Variants in HMCN1 observed in about 807,000 individuals in gnomAD.
HMCN1 encodes hemicentin 1, also known as hemicentin-1.
A neutral mutation model predicts 625.9 loss-of-function variants in HMCN1; 321 were observed. The observed-to-expected ratio is 0.51, with a 90% CI of 0.47 to 0.56. The LOEUF is 0.56. HMCN1 is among the 20% of genes least tolerant of loss of function. The pLI, the probability that HMCN1 is intolerant of heterozygous loss-of-function variation, is 0.00. For missense variants in HMCN1, 6,588 were observed against 6,887.3 expected (o/e 0.96, Z 1.54); for synonymous variants, 2,425 against 2,417.6 (o/e 1.00, Z -0.09).
intron 30 of HMCN1, among the ~76,000 whole-genome samples, chr1:186,014,147 A>T (rs1434091989): frequency 6.6e-6 from 1 of 152,120 alleles, no homozygotes; most frequent in Non-Finnish European, 1.5e-5. Context: ...TACGTTTGGT[A>T]GCATGTGATG....
At chr1:185,776,331 C>T (rs994026214) in intron 1 of HMCN1, among the ~76,000 whole-genome samples, 2 of 151,966 alleles carry the variant, frequency 1.3e-5, no homozygotes, top group African/African-American at 4.8e-5. Context: ...TATCTTCACT[C>T]CTTGCGTGGA....
At chr1:186,167,417 C>G (rs997326609) in intron 100 of HMCN1, among the ~76,000 whole-genome samples, 7 of 152,328 alleles carry the variant, frequency 4.6e-5, no homozygotes, top group South Asian at 4.1e-4. Flanking sequence ...TCCACACACA[C>G]AGCCTTCCTC....
chr1:186,099,355 A>AT (rs1445985091), intron 68 of HMCN1, among the ~76,000 whole-genome samples: 5 of 152,080 alleles, frequency 3.3e-5, no homozygotes, highest in Non-Finnish European at 5.9e-5. Context: ...TTGGGTAGCA[A>AT]ATTCCTGTAC....
rs538370727 is a variant in HMCN1, at chr1:185,794,648, C to T, written c.269-51378C>T. ...TGCCTGCTTTATATTCTAGCTGTGCCGGCAGCTGATTAGGTGGTACCCACC... is the reference window on the plus strand; with the variant it reads ...TGCCTGCTTTATATTCTAGCTGTGCTGGCAGCTGATTAGGTGGTACCCACC... On this transcript the variant is annotated intron_variant, in intron 1 of 106. Transcript: ENST00000271588. Among the ~76,000 whole-genome samples the T allele has an allele frequency of 1.1e-4, 15 of 139,526 alleles. No homozygotes were observed. The South Asian group carries it at 1.4e-3, about 13-fold the overall frequency. 91.5% of individuals were successfully genotyped at this position (139,526 alleles called of 152,430 possible).
intron 102 of HMCN1, among the ~76,000 whole-genome samples, chr1:186,172,766 A>G (rs1311364331): frequency 6.6e-6 from 1 of 152,200 alleles, no homozygotes; most frequent in East Asian, 1.9e-4. Flanking sequence ...AACACAGGAG[A>G]AAGAAATAAT....
intron 1 of HMCN1, among the ~76,000 whole-genome samples, chr1:185,764,541 A>G (rs1242581875): frequency 2.0e-5 from 3 of 152,162 alleles, no homozygotes; most frequent in Non-Finnish European, 4.4e-5. Context: ...GGCAGTATCC[A>G]TTAATTATCC....
At chr1:186,008,827 T>C (rs1653804455) in intron 30 of HMCN1, among the ~76,000 whole-genome samples, 1 of 152,192 alleles carries the variant, frequency 6.6e-6, no homozygotes, top group African/African-American at 2.4e-5. Flanking sequence ...AAACTTAATG[T>C]ACATATAGAA....
At chr1:185,815,969 A>G (rs1659823000) in intron 1 of HMCN1, among the ~76,000 whole-genome samples, 1 of 150,200 alleles carries the variant, frequency 6.7e-6, no homozygotes, top group Non-Finnish European at 1.5e-5. Context: ...TAGCAATATC[A>G]TACCCATTCA....
At chr1:186,155,691 AC>A (rs1250993436) in intron 97 of HMCN1, among the ~76,000 whole-genome samples, 3 of 152,244 alleles carry the variant, frequency 2.0e-5, no homozygotes, top group Admixed American at 6.5e-5. Context: ...ACACTGTATG[AC>A]CTTTAAGGCC....
intron 40 of HMCN1, 104 bp downstream of exon 40, chr1:186,041,240 C>G (rs1023946982): frequency 5.0e-6 from 5 of 990,336 alleles, no homozygotes; most frequent in Non-Finnish European, 8.0e-6. Context: ...AACAATGAAC[C>G]TTAGAAATGA....
chr1:185,789,190 A>G (rs1013271347), intron 1 of HMCN1, among the ~76,000 whole-genome samples: 2 of 152,194 alleles, frequency 1.3e-5, no homozygotes, highest in Admixed American at 6.5e-5. Flanking sequence ...ACAGACATCT[A>G]TTTTATGTTC....
rs773110395 is a variant in HMCN1 at position 186,114,038 on chromosome 1, G to A, written c.11191G>A (p.Val3731Ile). 21 of 1,614,110 alleles carry A rather than the reference G, an allele frequency of 1.3e-5. No individual in the cohort carries two copies. In the East Asian group the frequency reaches 1.3e-4, roughly 10 times the overall value. Residue 3731 changes from valine (V) to isoleucine (I), a missense_variant, in exon 73 of 107, where the codon GTA becomes ATA. By Grantham distance (29) the Val-to-Ile change is conservative (BLOSUM62 3). Around this residue, in one of 3 missense-constraint regions of HMCN1, gnomAD observed 4,628 missense variants for 4,853.1 expected, o/e 0.95. Transcript: ENST00000271588. Reference sequence around the variant, plus strand: ...TGTAATTCTTTTAAATAAGTCAACTGTATTGGAATGCATCGCTGAAGGTGT... The same window carrying A: ...TGTAATTCTTTTAAATAAGTCAACTATATTGGAATGCATCGCTGAAGGTGT... The part of the protein sequence containing the change: ...SLVILLNKST[V>I]LECIAEGVPT...
intron 97 of HMCN1, among the ~76,000 whole-genome samples, chr1:186,162,117 C>CTTTT (rs1445135798): frequency 2.0e-5 from 3 of 152,130 alleles, no homozygotes; most frequent in Non-Finnish European, 4.4e-5. Context: ...TTGTTCGTTT[C>CTTTT]TTTTTATTCT....
intron 101 of HMCN1, 86 bp downstream of exon 101, chr1:186,171,536 G>A (rs1387043847): frequency 1.9e-6 from 2 of 1,057,136 alleles, no homozygotes; most frequent in Non-Finnish European, 3.0e-6. Context: ...CTGTGTCTTG[G>A]TACTGGTTCC....
intron 24 of HMCN1, 38 bp from the exon 25 acceptor site, chr1:185,997,391 A>C (rs1178609933): frequency 1.5e-6 from 2 of 1,369,344 alleles, no homozygotes; most frequent in East Asian, 4.6e-5. Flanking sequence ...GAAATTGCTC[A>C]AAGAAAGCCT....
Position 186,166,299 on chromosome 1 carries a change from T to A in HMCN1, c.15435T>A (p.Cys5145Ter). 1 of 1,614,130 alleles carries A rather than the reference T, an allele frequency of 6.2e-7. No individual in the cohort carries two copies. The highest frequency in any genetic ancestry group is 8.5e-7 in the Non-Finnish European group (1 of 1,180,000). ...CCATAGCTGCAGATGGAAGAACTTG[T>A]CAAGGTATTCACAAATCTAATACAC... is the stretch of plus-strand genomic sequence containing the variant. The part of the protein sequence containing the change: ...GLTIAADGRT[C>*]QDIDECALGR... Residue 5145 changes from cysteine (C) to a stop codon, truncating the protein, a stop_gained, in exon 99 of 107, where the codon TGT becomes TGA. Transcript: ENST00000271588. LOFTEE classifies it high-confidence loss of function.
At chr1:186,060,079 C>G (rs1286672095) in intron 46 of HMCN1, among the ~76,000 whole-genome samples, 1 of 151,888 alleles carries the variant, frequency 6.6e-6, no homozygotes, top group Non-Finnish European at 1.5e-5. Flanking sequence ...TTTCTGTTTA[C>G]TTAAATTCAA....
At chr1:185,898,128 C>G (rs1665588228) in intron 4 of HMCN1, among the ~76,000 whole-genome samples, 2 of 152,178 alleles carry the variant, frequency 1.3e-5, no homozygotes, top group South Asian at 4.1e-4. Context: ...GTGGACCTCC[C>G]CCTGTAGAGG....
intron 2 of HMCN1, among the ~76,000 whole-genome samples, chr1:185,858,993 A>G (rs1056746534): frequency 1.3e-5 from 2 of 151,264 alleles, no homozygotes; most frequent in East Asian, 1.9e-4. Flanking sequence ...TGAGAGAAAC[A>G]CTATAAAGAA....
Sources: gnomAD v4.1 joint callset for allele counts (sites outside exome capture counted in the v4.1 genomes callset) on GRCh38, gnomAD v4.1.1 for gene constraint, gnomAD v4.1.1 regional missense constraint, MANE v1.5 for transcripts, NCBI Gene and HGNC (gene_info 2026-07-23, HGNC 2026-07-21) for gene names.